DAGLB: variants seen among roughly 807,000 people sequenced by gnomAD.
DAGLB encodes diacylglycerol lipase beta, also known as diacylglycerol lipase-beta.
A neutral mutation model predicts 72.1 loss-of-function variants in DAGLB; 66 were observed. That is an observed-to-expected ratio of 0.92 (90% CI 0.75 to 1.12). DAGLB has a LOEUF of 1.12. Among genes scored for constraint, DAGLB ranks in the 50% most tolerant of loss-of-function variants. The pLI, the probability that DAGLB is intolerant of heterozygous loss-of-function variation, is 0.00. For missense variants in DAGLB, 1,065 were observed against 884.9 expected, an observed-to-expected ratio of 1.20 and a Z score of -2.58; for synonymous variants, 414 against 359.5, an observed-to-expected ratio of 1.15 and a Z score of -1.71.
intron 4 of DAGLB, 31 bp from the exon 5 acceptor site, chr7:6,432,990 A>C (rs752496287): frequency 6.2e-7 from 1 of 1,607,022 alleles, no homozygotes; most frequent in East Asian, 2.2e-5. Flanking sequence ...GCCTGTCATA[A>C]AACCCAGCAG....
At chr7:6,410,880 A>AT (rs35960882) in intron 13 of DAGLB, among the ~76,000 whole-genome samples, 18,266 of 98,262 alleles carry the variant, frequency 0.19, 1,897 homozygotes, top group Non-Finnish European at 0.22. Flanking sequence ...AATTTTTTGT[A>AT]TTTTTTTTTT....
chr7:6,437,480 G>A (rs932757337), intron 2 of DAGLB, among the ~76,000 whole-genome samples: 13 of 152,076 alleles, frequency 8.5e-5, no homozygotes, highest in African/African-American at 3.1e-4. Context: ...TGCCCAGGCT[G>A]GAGTGTGGTG....
intron 6 of DAGLB, among the ~76,000 whole-genome samples, chr7:6,426,978 G>C (rs1312055441): frequency 6.6e-6 from 1 of 152,096 alleles, no homozygotes; most frequent in Non-Finnish European, 1.5e-5. Context: ...TGTGGTGGCA[G>C]GCGCCTGTAA....
At chr7:6,412,617 G>T (rs1016469455) in intron 13 of DAGLB, 194 bp downstream of exon 13, 2 of 641,812 alleles carry the variant, frequency 3.1e-6, no homozygotes, top group Non-Finnish European at 5.4e-6. Flanking sequence ...GACATTTCCC[G>T]CACTTGCTGC....
intron 2 of DAGLB, among the ~76,000 whole-genome samples, chr7:6,444,999 C>G (rs1250581027): frequency 1.3e-5 from 2 of 152,096 alleles, no homozygotes. Context: ...ATAATAAGAG[C>G]GTTGGGCAAT....
At position 6,409,417 on chromosome 7, in the gene DAGLB, A is replaced by C. The variant is rs577102949; in HGVS notation, c.*420T>G. The C allele has an allele frequency of 1.5e-4, 27 of 178,036 alleles. No homozygotes were observed. In the South Asian group the frequency reaches 3.3e-3, roughly 22 times the overall value. 11.0% of individuals were successfully genotyped at this position (178,036 alleles called of 1,614,324 possible). A position where few individuals can be genotyped will look rare whatever the true frequency, so the allele number is the denominator to read the frequency against. On this transcript the variant is annotated 3_prime_UTR_variant, in exon 15 of 15. Coordinates refer to ENST00000297056, the MANE Select transcript of DAGLB (RefSeq NM_139179.4). The stretch of plus-strand genomic sequence containing the variant: ...TTCCATTTGTACATCCAGGAAGCCC[A>C]GTTTGAAAAACAAACCACGCCTGTA...
At chr7:6,414,771 G>A (rs186745470) in intron 11 of DAGLB, among the ~76,000 whole-genome samples, 10 of 152,090 alleles carry the variant, frequency 6.6e-5, no homozygotes, top group Non-Finnish European at 2.9e-5. Flanking sequence ...CCTGCTAAAA[G>A]GAACCAATAT....
intron 11 of DAGLB, among the ~76,000 whole-genome samples, chr7:6,415,164 T>TAA (rs375211033): frequency 5.7e-5 from 8 of 139,834 alleles, no homozygotes; most frequent in African/African-American, 1.1e-4. Context: ...CTGTGTCAAT[T>TAA]AAAAAAAAAA....
intron 1 of DAGLB, among the ~76,000 whole-genome samples, chr7:6,446,477 C>CAAAAAAAAAAAAAAA (rs748156438): frequency 6.8e-5 from 4 of 58,636 alleles, no homozygotes; most frequent in Admixed American, 3.2e-4. Flanking sequence ...GACTCCGTCT[C>CAAAAAAAAAAAAAAA]AAAAAAAAAA....
chr7:6,424,650 CTG>C, intron 8 of DAGLB, 100 bp downstream of exon 8: 1 of 1,101,144 alleles, frequency 9.1e-7, no homozygotes, highest in South Asian at 1.3e-5. Context: ...CCATTTTCCC[CTG>C]TGTCTCATGC....
Position 6,444,093 on chromosome 7 carries a change from C to A in DAGLB, c.247+1860G>T, listed in dbSNP as rs182080904. Among the ~76,000 whole-genome samples, 214 of 151,828 alleles carry A rather than the reference C, an allele frequency of 1.4e-3. 2 individuals are homozygous for A. Among genetic ancestry groups the A allele is most frequent in the Middle Eastern group, 6.8e-3 (2 of 294 alleles). The stretch of plus-strand genomic sequence containing the variant: ...ATCAGTCTAAGCTATATAGCAAGAC[C>A]CTGTCTCTACAAAAAATAAAAATAA... On this transcript the variant is annotated intron_variant, in intron 2 of 14. Transcript: ENST00000297056.
intron 2 of DAGLB, among the ~76,000 whole-genome samples, chr7:6,442,042 A>G (rs921150184): frequency 1.3e-5 from 2 of 152,012 alleles, no homozygotes; most frequent in African/African-American, 4.8e-5. Flanking sequence ...AGCGACGATA[A>G]ATGGCTTTTG....
At position 6,446,013 on chromosome 7, in the gene DAGLB, T is replaced by C. The variant is rs756285755; in HGVS notation, c.187A>G (p.Met63Val). 9 of 1,613,430 alleles carry C rather than the reference T, an allele frequency of 5.6e-6. No homozygotes were observed. The highest frequency in any genetic ancestry group is 4.0e-5 in the African/African-American group (3 of 74,714). ...CATATGACAACTGCCAGGAGAATCA[T>C]GAGGACGATCAAGTAACTGCTGAGC... ...ALLSSYLIVL[M>V]ILLAVVICTV... Residue 63 changes from methionine to valine, a missense_variant, in exon 2 of 15, where the codon ATG (methionine) becomes GTG (valine). Transcript: ENST00000297056.
At chr7:6,413,277 C>T (rs1052711869) in intron 11 of DAGLB, among the ~76,000 whole-genome samples, 26 of 152,164 alleles carry the variant, frequency 1.7e-4, no homozygotes, top group African/African-American at 5.8e-4. Context: ...GACACCAAGG[C>T]GGACCAAGCA....
At chr7:6,414,511 G>T (rs1783839008) in intron 11 of DAGLB, among the ~76,000 whole-genome samples, 1 of 150,990 alleles carries the variant, frequency 6.6e-6, no homozygotes, top group Non-Finnish European at 1.5e-5. Flanking sequence ...ATGTTGCCCA[G>T]GCTGGTCTCG....
chr7:6,441,972 C>T (rs1231357485), intron 2 of DAGLB, among the ~76,000 whole-genome samples: 1 of 152,024 alleles, frequency 6.6e-6, no homozygotes, highest in Non-Finnish European at 1.5e-5. Context: ...CCCAGCTCTC[C>T]CCTGCCCTGT....
intron 6 of DAGLB, among the ~76,000 whole-genome samples, chr7:6,428,486 CTT>C (rs1251418612): frequency 1.4e-5 from 2 of 144,018 alleles, no homozygotes; most frequent in Admixed American, 7.0e-5. Context: ...GTTTTGGTTT[CTT>C]TTTTTTTTTT....
At chr7:6,447,492 C>T (rs1236818133) in intron 1 of DAGLB, among the ~76,000 whole-genome samples, 1 of 152,206 alleles carries the variant, frequency 6.6e-6, no homozygotes, top group Non-Finnish European at 1.5e-5. Flanking sequence ...TCCTGCTGCG[C>T]GGACTTCGAA....
At chr7:6,410,566 C>G (rs1036871199) in intron 13 of DAGLB, among the ~76,000 whole-genome samples, 186 bp from the exon 14 acceptor site, 16 of 152,192 alleles carry the variant, frequency 1.1e-4, no homozygotes, top group Non-Finnish European at 1.9e-4. Flanking sequence ...CAGGACAAGG[C>G]TCTATGCCTA....
Sources: allele counts gnomAD v4.1 joint callset (sites outside exome capture counted in the v4.1 genomes callset), GRCh38; gene constraint gnomAD v4.1.1; transcripts MANE v1.5; gene names NCBI Gene and HGNC (gene_info 2026-07-23, HGNC 2026-07-21).